The following ACOT7 variants were observed in gnomAD, a reference collection of about 807,000 sequenced individuals.
The protein encoded by ACOT7 is cytosolic acyl coenzyme A thioester hydrolase.
A neutral mutation model predicts 40.2 loss-of-function variants in ACOT7; 12 were observed. The observed-to-expected ratio is 0.30, with a 90% CI of 0.19 to 0.48. The LOEUF (loss-of-function observed/expected upper bound fraction) is 0.48. Among genes scored for constraint, ACOT7 ranks in the 20% least tolerant of loss-of-function variants. The pLI, the probability that ACOT7 is intolerant of heterozygous loss-of-function variation, is 0.99. For synonymous variants in ACOT7, 228 were observed against 219.5 expected, an observed-to-expected ratio of 1.04 and a Z score of -0.34; for missense variants, 395 against 530.8, an observed-to-expected ratio of 0.74 and a Z score of 2.51.
At chr1:6,383,478 C>T (rs113409653) in intron 1 of ACOT7, among the ~76,000 whole-genome samples, 19,602 of 150,624 alleles carry the variant, frequency 0.13, 2,001 homozygotes, top group African/African-American at 0.27. Context: ...TGAGTCACCG[C>T]GCCCGGCCTG....
At chr1:6,276,042 G>C (rs957243199) in intron 8 of ACOT7, among the ~76,000 whole-genome samples, 1 of 152,176 alleles carries the variant, frequency 6.6e-6, no homozygotes, top group Non-Finnish European at 1.5e-5. Flanking sequence ...CCATGGAACA[G>C]GCTACAGGCT....
At chr1:6,346,153 A>G (rs878975469) in intron 2 of ACOT7, among the ~76,000 whole-genome samples, 2 of 152,106 alleles carry the variant, frequency 1.3e-5, no homozygotes, top group Admixed American at 1.3e-4. Context: ...CAGGCTGGAG[A>G]GCAGTGATGT....
At chr1:6,305,001 G>A (rs538879607) in intron 6 of ACOT7, among the ~76,000 whole-genome samples, 16 of 150,178 alleles carry the variant, frequency 1.1e-4, no homozygotes, top group South Asian at 2.1e-4. Flanking sequence ...CCTCCCGGAC[G>A]GGGCGGCTGG....
At chr1:6,354,368 T>G (rs1641679655) in intron 1 of ACOT7, among the ~76,000 whole-genome samples, 1 of 151,786 alleles carries the variant, frequency 6.6e-6, no homozygotes, top group Non-Finnish European at 1.5e-5. Context: ...GAGGGAATGT[T>G]CGGGGCCCAA....
At chr1:6,265,111 G>A (rs1409510629) in intron 8 of ACOT7, among the ~76,000 whole-genome samples, 1 of 152,210 alleles carries the variant, frequency 6.6e-6, no homozygotes, top group African/African-American at 2.4e-5. Flanking sequence ...GGTGGAAAAT[G>A]CACTTGATAA....
intron 6 of ACOT7, among the ~76,000 whole-genome samples, chr1:6,298,928 C>A (rs1483358113): frequency 1.3e-5 from 2 of 152,250 alleles, no homozygotes; most frequent in Non-Finnish European, 2.9e-5. Flanking sequence ...TCTGAATTAA[C>A]CACACCCACC....
intron 6 of ACOT7, among the ~76,000 whole-genome samples, chr1:6,300,296 G>A (rs1639930459): frequency 6.6e-6 from 1 of 152,188 alleles, no homozygotes; most frequent in South Asian, 2.1e-4. Context: ...GCTGGGGGCC[G>A]TGAGCTGGAT....
At chr1:6,281,771 G>T (rs1639366314) in intron 7 of ACOT7, among the ~76,000 whole-genome samples, 1 of 152,202 alleles carries the variant, frequency 6.6e-6, no homozygotes, top group Admixed American at 6.5e-5. Context: ...CAAGCACCAA[G>T]ACAGAACCTT....
intron 1 of ACOT7, among the ~76,000 whole-genome samples, chr1:6,390,465 G>A (rs578089507): frequency 4.0e-5 from 6 of 151,228 alleles, no homozygotes; most frequent in African/African-American, 9.7e-5. Context: ...CCAGCTACTC[G>A]GGAGGCTGAG....
At chr1:6,361,476 T>A (rs1641893311) in intron 1 of ACOT7, among the ~76,000 whole-genome samples, 1 of 152,304 alleles carries the variant, frequency 6.6e-6, no homozygotes. Flanking sequence ...GTAGACTCAA[T>A]AGAGTTATAG....
intron 5 of ACOT7, among the ~76,000 whole-genome samples, chr1:6,320,160 C>T (rs1640602885): frequency 6.6e-6 from 1 of 152,184 alleles, no homozygotes; most frequent in African/African-American, 2.4e-5. Flanking sequence ...GCAAAACTAT[C>T]GGGTTATGAA....
chr1:6,305,528 C>A (rs960217150), intron 6 of ACOT7, among the ~76,000 whole-genome samples: 4 of 150,922 alleles, frequency 2.7e-5, no homozygotes, highest in African/African-American at 9.8e-5. Flanking sequence ...GGTTGCCAGG[C>A]AGAGGGTCTC....
chr1:6,303,193 C>T (rs999784276), intron 6 of ACOT7, among the ~76,000 whole-genome samples: 1 of 152,076 alleles, frequency 6.6e-6, no homozygotes, highest in African/African-American at 2.4e-5. Context: ...GTGCTGCCAA[C>T]GTTGGAAAAT....
chr1:6,353,610 G>A (rs1318103293), intron 1 of ACOT7, among the ~76,000 whole-genome samples: 1 of 152,240 alleles, frequency 6.6e-6, no homozygotes, highest in Admixed American at 6.5e-5. Context: ...CTCCAGCCTG[G>A]GTGACAGAGT....
chr1:6,366,368 T>C (rs1642012070), intron 1 of ACOT7, among the ~76,000 whole-genome samples: 1 of 151,764 alleles, frequency 6.6e-6, no homozygotes, highest in Non-Finnish European at 1.5e-5. Context: ...GAATCGCTTG[T>C]GCCCAGGAGT....
rs897914625 is a variant in ACOT7 at position 6,278,682 on chromosome 1, C to G, written c.1014+2420G>C. 2.0e-5 allele frequency among the ~76,000 whole-genome samples: 3 copies of G among 152,202 alleles called. No homozygotes were observed. Among genetic ancestry groups the G allele is most frequent in the Non-Finnish European group, 4.4e-5 (3 of 68,042 alleles). On this transcript the variant is annotated intron_variant, in intron 8 of 8. Transcript: ENST00000361521. The surrounding 1 kb of genome is among the most constrained non-coding windows in gnomAD (Gnocchi z 4.1). ...ACACAGGCGATGCTCGAGGCACAGA[C>G]CATGGATCTGACCACCCCAGGAGAG...
At chr1:6,368,408 G>A (rs142884700) in intron 1 of ACOT7, among the ~76,000 whole-genome samples, 220 of 152,230 alleles carry the variant, frequency 1.4e-3, no homozygotes, top group Non-Finnish European at 2.2e-3. Flanking sequence ...CCGCCCCAGG[G>A]CCCTGAAGCA....
intron 2 of ACOT7, among the ~76,000 whole-genome samples, chr1:6,348,818 G>A (rs1641506537): frequency 6.6e-6 from 1 of 152,224 alleles, no homozygotes; most frequent in Non-Finnish European, 1.5e-5. Context: ...GTGTGGCTCA[G>A]AGCTCACAGT....
chr1:6,355,028 G>T lies in ACOT7; in HGVS notation c.144-5162C>A, dbSNP rs1036137398. Among the ~76,000 whole-genome samples the T allele has an allele frequency of 6.6e-6, 1 of 152,028 alleles. No individual in the cohort carries two copies. Among genetic ancestry groups the T allele is most frequent in the Non-Finnish European group, 1.5e-5 (1 of 67,990 alleles). On this transcript the variant is annotated intron_variant, in intron 1 of 8. Transcript: ENST00000361521. This position sits in a 1 kb window ranked among gnomAD's most constrained non-coding sequence, Gnocchi z 5.0. ...TAGTAAGGCATCTGGAGCTCTCAGG[G>T]ATTGGGAACTTTTCCGCCTCAACTC...
Sources: allele counts gnomAD v4.1 joint callset (sites outside exome capture counted in the v4.1 genomes callset), GRCh38; gene constraint gnomAD v4.1.1; non-coding constraint Gnocchi (gnomAD v3.1); transcripts MANE v1.5; gene names NCBI Gene and HGNC (gene_info 2026-07-23, HGNC 2026-07-21).